The following RAD52 variants were observed in gnomAD, a reference collection of about 807,000 sequenced individuals.
RAD52 encodes the protein DNA repair protein RAD52 homolog.
A neutral mutation model predicts 55.5 loss-of-function variants in RAD52; 47 were observed. The observed-to-expected ratio is 0.85, with a 90% CI of 0.67 to 1.08. The LOEUF (loss-of-function observed/expected upper bound fraction) is 1.08, where lower values mean the gene tolerates loss of function less well. Among genes scored for constraint, RAD52 ranks in the 50% least tolerant of loss-of-function variants. RAD52 has a pLI of 0.00. For synonymous variants in RAD52, 184 were observed against 198.9 expected (o/e 0.92, Z 0.63); for missense variants, 468 against 522.8 (o/e 0.90, Z 1.02).
At position 928,911 on chromosome 12, in the gene RAD52, C is replaced by T. The variant is rs539372374; in HGVS notation, c.348+908G>A. 2.2e-4 allele frequency among the ~76,000 whole-genome samples: 34 copies of T among 152,138 alleles called. 1 individual carries two copies. Among genetic ancestry groups the T allele is most frequent in the Admixed American group, 1.4e-3 (21 of 15,280 alleles). On this transcript the variant is annotated intron_variant, in intron 5 of 11. Transcript: ENST00000358495. ...GATAAAACTTTTCTTTTTTTCCACC[C>T]AGGAGTTCAGTGGCGCAATCACAGC...
chr12:944,619 A>C (rs958488251), intron 1 of RAD52, among the ~76,000 whole-genome samples: 4 of 148,660 alleles, frequency 2.7e-5, no homozygotes, highest in South Asian at 4.2e-4. Flanking sequence ...AAAAAAAAAA[A>C]AAAAAAAAAC....
chr12:982,345 C>T (rs1211486076), intron 1 of RAD52, among the ~76,000 whole-genome samples: 1 of 152,220 alleles, frequency 6.6e-6, no homozygotes, highest in African/African-American at 2.4e-5. Context: ...TTCAAATCTT[C>T]AAGTTTTGTT....
intron 1 of RAD52, among the ~76,000 whole-genome samples, chr12:981,746 G>A (rs188998294): frequency 1.2e-5 from 1 of 82,864 alleles, no homozygotes; most frequent in East Asian, 5.4e-4. Context: ...GACAGAATGA[G>A]TGAGACTCTG....
At chr12:919,211 T>C (rs1311095150) in intron 7 of RAD52, among the ~76,000 whole-genome samples, 1 of 152,142 alleles carries the variant, frequency 6.6e-6, no homozygotes, top group Non-Finnish European at 1.5e-5. Flanking sequence ...TTTGGGAGGC[T>C]GAGGCAGGTG....
intron 1 of RAD52, among the ~76,000 whole-genome samples, chr12:935,541 C>T (rs954958863): frequency 9.9e-5 from 15 of 151,766 alleles, no homozygotes; most frequent in Admixed American, 2.0e-4. Flanking sequence ...CCACCATGCC[C>T]GGCTAAATTT....
intron 9 of RAD52, chr12:916,061 A>T: frequency 1.2e-6 from 1 of 810,096 alleles, no homozygotes; most frequent in African/African-American, 1.8e-5. Context: ...GAAGCAAAAA[A>T]AAGTTCTTTA....
chr12:965,764 C>CA (rs972981068), intron 1 of RAD52, among the ~76,000 whole-genome samples: 4 of 151,928 alleles, frequency 2.6e-5, no homozygotes, highest in African/African-American at 9.7e-5. Context: ...CAGAACACTG[C>CA]AACCTCCGCC....
chr12:950,034 A>G (rs1958480688), upstream of RAD52, among the ~76,000 whole-genome samples: 1 of 152,114 alleles, frequency 6.6e-6, no homozygotes, highest in South Asian at 2.1e-4. Context: ...TTCACACTTC[A>G]CATGCCCAGT....
chr12:916,509 C>T (rs766655633), intron 8 of RAD52, 26 bp from the exon 9 acceptor site: 1 of 1,606,294 alleles, frequency 6.2e-7, no homozygotes, highest in Non-Finnish European at 8.5e-7. Context: ...GCGGCGAGGA[C>T]GGGCTCCTGA....
chr12:936,745 T>G (rs1957656121), intron 1 of RAD52: 1 of 152,080 alleles, frequency 6.6e-6, no homozygotes, highest in Admixed American at 6.6e-5. Context: ...AGTTCAAGTG[T>G]TTTTTATGTG....
intron 11 of RAD52, 53 bp from the exon 12 acceptor site, chr12:913,505 G>C: frequency 7.9e-7 from 1 of 1,270,418 alleles, no homozygotes; most frequent in Non-Finnish European, 1.1e-6. Context: ...AAAATAAACT[G>C]ACAGCTAATG....
At chr12:963,642 T>C (rs922784126) in intron 1 of RAD52, among the ~76,000 whole-genome samples, 5 of 152,138 alleles carry the variant, frequency 3.3e-5, no homozygotes, top group Admixed American at 2.0e-4. Flanking sequence ...AAAATTTTTG[T>C]TGATACTATA....
chr12:928,185 G>A (rs1443711466), intron 5 of RAD52, among the ~76,000 whole-genome samples: 1 of 152,152 alleles, frequency 6.6e-6, no homozygotes, highest in Non-Finnish European at 1.5e-5. Context: ...AGAAAAATAA[G>A]TCAGAATAGA....
upstream of RAD52, chr12:990,411 G>C (rs1478487150): frequency 2.6e-5 from 4 of 151,898 alleles, no homozygotes; most frequent in African/African-American, 4.8e-5. Context: ...GTCTGCACGA[G>C]AAAATCGGGT....
rs1467957407 is a variant in RAD52 at position 916,392 on chromosome 12, C to T, written c.817G>A (p.Glu273Lys). ...QLQQQFRERM[E>K]KQQVRVSTPS... ...GTGGAGACTCGAACCTGCTGCTTCT[C>T]CATCCGCTCCCGGAACTGCTGCTGC... The change falls in exon 9 of 12, where the codon GAG (glutamate) becomes AAG (lysine). Residue 273 changes from glutamate (E) to lysine (K), a missense_variant. By Grantham distance (56) the Glu-to-Lys change is moderately conservative (BLOSUM62 1). Coordinates refer to ENST00000358495, the MANE Select transcript of RAD52 (RefSeq NM_134424.4). 1 of 1,608,928 alleles carries T rather than the reference C, an allele frequency of 6.2e-7. No individual in the cohort carries two copies. Among genetic ancestry groups the T allele is most frequent in the Non-Finnish European group, 8.5e-7 (1 of 1,179,744 alleles).
chr12:971,187 G>C (rs1009371523), intron 1 of RAD52, among the ~76,000 whole-genome samples: 4 of 152,060 alleles, frequency 2.6e-5, no homozygotes, highest in Non-Finnish European at 4.4e-5. Context: ...ATTTCCCTTG[G>C]GGTGACTATG....
chr12:939,802 C>T (rs1482512025), intron 1 of RAD52, among the ~76,000 whole-genome samples: 1 of 152,132 alleles, frequency 6.6e-6, no homozygotes, highest in Non-Finnish European at 1.5e-5. Flanking sequence ...GCGCACCGGG[C>T]GCGGTGGCTC....
intron 1 of RAD52, among the ~76,000 whole-genome samples, chr12:963,574 A>G (rs989104662): frequency 3.9e-5 from 6 of 152,200 alleles, no homozygotes; most frequent in Non-Finnish European, 8.8e-5. Context: ...TTCAATAAGG[A>G]TTTATAATTT....
In RAD52 at chr12:914,599, G is replaced by A. The variant is rs1956258383; in HGVS notation, c.866-67C>T. ...TCACTGCATGGGATTTCAGAGCGTG[G>A]GTCCACTCCCCTCTTGTTAGAGGGA... On this transcript the variant is annotated intron_variant, in intron 9 of 11. Coordinates refer to ENST00000358495, the MANE Select transcript of RAD52 (RefSeq NM_134424.4). 7.6e-6 allele frequency: 12 copies of A among 1,586,082 alleles called. No homozygotes were observed. In the South Asian group the frequency reaches 1.2e-4, roughly 16 times the overall value.
Sources: gnomAD v4.1 joint callset for allele counts (sites outside exome capture counted in the v4.1 genomes callset) on GRCh38, gnomAD v4.1.1 for gene constraint, MANE v1.5 for transcripts, NCBI Gene and HGNC (gene_info 2026-07-23, HGNC 2026-07-21) for gene names.